MAF: variants seen among roughly 807,000 people sequenced by gnomAD.
The protein encoded by MAF is transcription factor Maf.
Under a neutral mutation model 22.0 loss-of-function variants are expected in MAF, and 10 were observed. The observed-to-expected ratio is 0.45, with a 90% CI of 0.28 to 0.77. The LOEUF (loss-of-function observed/expected upper bound fraction) is 0.77. Among genes scored for constraint, MAF ranks in the 30% least tolerant of loss-of-function variants. The probability of loss-of-function intolerance (pLI) is 0.12; values close to 1 mark genes in which losing one functional copy is unlikely to be tolerated. For synonymous variants in MAF, 337 were observed against 255.8 expected (o/e 1.32, Z -3.03); for missense variants, 544 against 548.4 (o/e 0.99, Z 0.08).
At chr16:79,514,481 T>G in the MAF span, among the ~76,000 whole-genome samples, 1 of 152,198 alleles carries the variant, frequency 6.6e-6, no homozygotes, top group African/African-American at 2.4e-5. Flanking sequence ...CATCCCAAAT[T>G]CCTTGTCAGT....
At chr16:79,591,156 ATAGTTC>A (rs1913169306), downstream of MAF, among the ~76,000 whole-genome samples, 1 of 152,162 alleles carries the variant, frequency 6.6e-6, no homozygotes, top group Non-Finnish European at 1.5e-5. Context: ...CAAGGAAAAA[ATAGTTC>A]TTTGGAATCT....
chr16:79,468,530 A>T, the MAF span, among the ~76,000 whole-genome samples: 1 of 152,140 alleles, frequency 6.6e-6, no homozygotes, highest in African/African-American at 2.4e-5. Context: ...GAACGACTGC[A>T]CCTGCTGTCC....
the MAF span, among the ~76,000 whole-genome samples, chr16:79,220,553 G>A: frequency 6.6e-6 from 1 of 152,084 alleles, no homozygotes; most frequent in East Asian, 1.9e-4. Context: ...ATATATGGTA[G>A]TTACTTAATC....
At chr16:79,574,671 C>G in the MAF span, among the ~76,000 whole-genome samples, 1 of 152,086 alleles carries the variant, frequency 6.6e-6, no homozygotes, top group Non-Finnish European at 1.5e-5. Context: ...ACCCAGGTCA[C>G]ATGGCTGCTT....
the MAF span, among the ~76,000 whole-genome samples, chr16:79,226,852 T>A: frequency 5.3e-5 from 8 of 152,066 alleles, no homozygotes; most frequent in African/African-American, 1.2e-4. Flanking sequence ...AGCTGCCTTA[T>A]TGAGTATTAT....
At chr16:79,418,496 G>A in the MAF span, among the ~76,000 whole-genome samples, 5 of 152,136 alleles carry the variant, frequency 3.3e-5, no homozygotes, top group Non-Finnish European at 7.3e-5. Flanking sequence ...TCTTCCGATG[G>A]TAATTTGGAA....
At chr16:79,557,262 C>T in the MAF span, among the ~76,000 whole-genome samples, 1 of 151,928 alleles carries the variant, frequency 6.6e-6, no homozygotes, top group African/African-American at 2.4e-5. Flanking sequence ...AGGTAATTTC[C>T]CGAAGTTTCT....
At chr16:79,444,866 G>T in the MAF span, among the ~76,000 whole-genome samples, 1 of 152,092 alleles carries the variant, frequency 6.6e-6, no homozygotes, top group South Asian at 2.1e-4. Flanking sequence ...TCTATTAATT[G>T]CATTGCATGG....
chr16:79,305,187 T>C, the MAF span, among the ~76,000 whole-genome samples: 4 of 152,242 alleles, frequency 2.6e-5, no homozygotes, highest in South Asian at 8.3e-4. Flanking sequence ...GGGAGAGTCA[T>C]CCGGGGCAGG....
chr16:79,509,826 C>A, the MAF span, among the ~76,000 whole-genome samples: 1 of 152,214 alleles, frequency 6.6e-6, no homozygotes, highest in Non-Finnish European at 1.5e-5. Flanking sequence ...TGAGCCTCTT[C>A]TTATCAATGC....
chr16:79,403,135 G>A, the MAF span, among the ~76,000 whole-genome samples: 132,529 of 152,232 alleles, frequency 0.87, 57,815 homozygotes, highest in South Asian at 0.9. Flanking sequence ...TAAATGCCTC[G>A]TGACATCATC....
At chr16:79,393,338 G>C in the MAF span, among the ~76,000 whole-genome samples, 1 of 152,182 alleles carries the variant, frequency 6.6e-6, no homozygotes, top group Non-Finnish European at 1.5e-5. Flanking sequence ...TAATTTCCAT[G>C]GTTGGCGAAT....
chr16:79,307,138 T>G, the MAF span, among the ~76,000 whole-genome samples: 1 of 152,184 alleles, frequency 6.6e-6, no homozygotes, highest in South Asian at 2.1e-4. Flanking sequence ...GCAGTCCATG[T>G]GGAGATGAAA....
the MAF span, among the ~76,000 whole-genome samples, chr16:79,484,108 C>T: frequency 6.6e-6 from 1 of 152,162 alleles, no homozygotes; most frequent in Non-Finnish European, 1.5e-5. Context: ...CACAGCACCC[C>T]TTGATGGGGT....
the MAF span, among the ~76,000 whole-genome samples, chr16:79,319,416 A>G: frequency 2.0e-5 from 3 of 152,350 alleles, no homozygotes; most frequent in South Asian, 4.1e-4. Flanking sequence ...GCTTCTTTAT[A>G]AAGCAGAAGG....
At chr16:79,418,419 T>C in the MAF span, among the ~76,000 whole-genome samples, 3 of 152,124 alleles carry the variant, frequency 2.0e-5, no homozygotes, top group South Asian at 6.3e-4. Flanking sequence ...TATTCACTCA[T>C]TCTGTTGTGA....
chr16:79,414,179 A>T, the MAF span, among the ~76,000 whole-genome samples: 1 of 152,318 alleles, frequency 6.6e-6, no homozygotes, highest in African/African-American at 2.4e-5. Context: ...ACCAAGTGTG[A>T]GAGTGTCTTG....
At chr16:79,520,400 G>T in the MAF span, among the ~76,000 whole-genome samples, 1 of 151,970 alleles carries the variant, frequency 6.6e-6, no homozygotes, top group East Asian at 1.9e-4. Context: ...CCAGGAGCTG[G>T]CCCCATGGCA....
the MAF span, among the ~76,000 whole-genome samples, chr16:79,506,182 T>A: frequency 6.6e-6 from 1 of 152,200 alleles, no homozygotes; most frequent in Non-Finnish European, 1.5e-5. Context: ...TAAAATCAAC[T>A]GAATATTTAC....
Sources: gnomAD v4.1 joint callset for allele counts (sites outside exome capture counted in the v4.1 genomes callset) on GRCh38, gnomAD v4.1.1 for gene constraint, MANE v1.5 for transcripts, NCBI Gene and HGNC (gene_info 2026-07-23, HGNC 2026-07-21) for gene names.